Variants in SLC25A13 observed in about 807,000 individuals in gnomAD.
The protein encoded by SLC25A13 is solute carrier family 25 member 13.
SLC25A13 carries 70 observed loss-of-function variants against 85.5 expected under a neutral mutation model. The observed-to-expected ratio is 0.82, with a 90% CI of 0.68 to 1.00. SLC25A13 has a LOEUF of 1.00. Among genes scored for constraint, SLC25A13 ranks in the 50% least tolerant of loss-of-function variants. The pLI, the probability that SLC25A13 is intolerant of heterozygous loss-of-function variation, is 0.00. For synonymous variants in SLC25A13, 259 were observed against 288.7 expected (o/e 0.90, Z 1.04); for missense variants, 765 against 819.8 (o/e 0.93, Z 0.82).
intron 13 of SLC25A13, among the ~76,000 whole-genome samples, chr7:96,166,050 T>A (rs897826879): frequency 1.6e-4 from 24 of 152,230 alleles, no homozygotes; most frequent in African/African-American, 5.5e-4. Context: ...TACTTATTTA[T>A]AGGGGAGTGT....
chr7:96,183,352 G>A (rs1348173159), intron 11 of SLC25A13, among the ~76,000 whole-genome samples: 1 of 152,066 alleles, frequency 6.6e-6, no homozygotes, highest in African/African-American at 2.4e-5. Flanking sequence ...TGGCAGAAGA[G>A]GCCCAGAGGC....
chr7:96,206,805 C>T (rs1795479758), intron 5 of SLC25A13, among the ~76,000 whole-genome samples: 2 of 152,138 alleles, frequency 1.3e-5, no homozygotes, highest in Admixed American at 1.3e-4. Flanking sequence ...TCTGGCTTCC[C>T]CATATCTGGA....
In SLC25A13 at chr7:96,120,310, A is replaced by C. The variant is rs769090840; in HGVS notation, c.*881T>G. The C allele has an allele frequency of 2.4e-4, 107 of 454,006 alleles. 1 individual carries two copies. Among genetic ancestry groups the C allele is most frequent in the Non-Finnish European group, 4.5e-4 (102 of 226,782 alleles). The allele number at this position is 454,006 out of a possible 1,614,324, so 28.1% of individuals were successfully genotyped here. ...ACATGAATTAAATACTTATGTCAGAACATATTTGTCTTACATTATTCAAGA... is the reference window on the plus strand; with the variant it reads ...ACATGAATTAAATACTTATGTCAGACCATATTTGTCTTACATTATTCAAGA... On this transcript the variant is annotated 3_prime_UTR_variant, in exon 18 of 18. Coordinates refer to ENST00000265631, the MANE Select transcript of SLC25A13 (RefSeq NM_014251.3).
chr7:96,183,375 G>A (rs1345211852), intron 11 of SLC25A13, among the ~76,000 whole-genome samples: 1 of 152,148 alleles, frequency 6.6e-6, no homozygotes, highest in African/African-American at 2.4e-5. Context: ...AGGTTTCCAT[G>A]TCTGCCAGTT....
intron 15 of SLC25A13, 57 bp from the exon 16 acceptor site, chr7:96,122,054 A>C: frequency 6.2e-7 from 1 of 1,608,310 alleles, no homozygotes; most frequent in Middle Eastern, 1.7e-4. Context: ...ATATAAAAAT[A>C]ACTGTGCTTT....
At chr7:96,141,600 A>T (rs541052057) in intron 14 of SLC25A13, among the ~76,000 whole-genome samples, 1 of 152,352 alleles carries the variant, frequency 6.6e-6, no homozygotes, top group Non-Finnish European at 1.5e-5. Flanking sequence ...GTAGAAATGG[A>T]TGGGTGAGAA....
chr7:96,205,492 A>T lies in SLC25A13; in HGVS notation c.468+3346T>A, dbSNP rs144799350. ...TAACTGGGCATTAAAAAATAGCAGCAACAGATGTAACAGTATAAATAATGG... is the reference window on the plus strand; with the variant it reads ...TAACTGGGCATTAAAAAATAGCAGCTACAGATGTAACAGTATAAATAATGG... On this transcript the variant is annotated intron_variant, in intron 5 of 17. Transcript: ENST00000265631. Among the ~76,000 whole-genome samples the T allele has an allele frequency of 1.6e-3, 238 of 152,288 alleles. 3 individuals are homozygous for T. The highest frequency in any genetic ancestry group is 5.6e-3 in the African/African-American group (231 of 41,560).
chr7:96,217,908 A>AC (rs1795956961), intron 4 of SLC25A13, among the ~76,000 whole-genome samples: 1 of 137,342 alleles, frequency 7.3e-6, no homozygotes, highest in Admixed American at 7.4e-5. Flanking sequence ...TCTGAAAAAA[A>AC]AAAACAAAAA....
chr7:96,237,164 G>T (rs924685190), intron 3 of SLC25A13, among the ~76,000 whole-genome samples: 9 of 152,164 alleles, frequency 5.9e-5, no homozygotes, highest in Non-Finnish European at 8.8e-5. Context: ...GGTAGAGAAA[G>T]TCAAACTTGA....
chr7:96,187,753 C>A (rs1358504450), intron 9 of SLC25A13, among the ~76,000 whole-genome samples: 1 of 152,180 alleles, frequency 6.6e-6, no homozygotes, highest in Non-Finnish European at 1.5e-5. Context: ...CTCCTTCACT[C>A]CTCTGTCCAG....
intron 2 of SLC25A13, 150 bp from the exon 3 acceptor site, chr7:96,277,488 C>T: frequency 1.3e-6 from 1 of 747,458 alleles, no homozygotes. Flanking sequence ...TATCTCCCAA[C>T]AGTTCAAAGA....
chr7:96,267,185 G>A (rs1046291132), intron 3 of SLC25A13, among the ~76,000 whole-genome samples: 3 of 152,078 alleles, frequency 2.0e-5, no homozygotes, highest in African/African-American at 7.2e-5. Context: ...TTTAAGTATT[G>A]CCAATTGTAA....
At chr7:96,190,308 G>C (rs1236458315) in intron 7 of SLC25A13, among the ~76,000 whole-genome samples, 1 of 151,930 alleles carries the variant, frequency 6.6e-6, no homozygotes, top group African/African-American at 2.4e-5. Context: ...AGCCAGGATC[G>C]TCTCAATCTC....
chr7:96,316,458 C>T (rs1329573112), intron 1 of SLC25A13, among the ~76,000 whole-genome samples: 1 of 152,066 alleles, frequency 6.6e-6, no homozygotes, highest in African/African-American at 2.4e-5. Flanking sequence ...ACATCCATAC[C>T]CGATGGCATG....
intron 3 of SLC25A13, among the ~76,000 whole-genome samples, chr7:96,236,095 T>C (rs139525028): frequency 6.6e-6 from 1 of 152,320 alleles, no homozygotes; most frequent in Admixed American, 6.5e-5. Flanking sequence ...TTATAAAAAC[T>C]GTTACAAAGT....
intron 13 of SLC25A13, among the ~76,000 whole-genome samples, chr7:96,166,169 G>A (rs1793732997): frequency 6.6e-6 from 1 of 152,154 alleles, no homozygotes; most frequent in African/African-American, 2.4e-5. Flanking sequence ...TCAAAATGCA[G>A]TCAAAATGAA....
intron 13 of SLC25A13, among the ~76,000 whole-genome samples, chr7:96,155,260 G>C (rs1039944971): frequency 1.3e-5 from 2 of 152,192 alleles, no homozygotes; most frequent in East Asian, 3.9e-4. Context: ...GCTGGTATGA[G>C]ACTTCTCTCT....
intron 11 of SLC25A13, among the ~76,000 whole-genome samples, chr7:96,174,095 T>C (rs1311077370): frequency 6.6e-6 from 1 of 152,180 alleles, no homozygotes; most frequent in Non-Finnish European, 1.5e-5. Flanking sequence ...AAAAAGAGAA[T>C]GCACATAGCC....
At position 96,301,123 on chromosome 7, in the gene SLC25A13, G is replaced by A. The variant is rs550591429; in HGVS notation, c.16-4172C>T. 2.0e-5 allele frequency among the ~76,000 whole-genome samples: 3 copies of A among 152,292 alleles called. No homozygotes were observed. The East Asian group carries it at 5.8e-4, about 29-fold the overall frequency. On this transcript the variant is annotated intron_variant, in intron 1 of 17. Transcript: ENST00000265631. The stretch of plus-strand genomic sequence containing the variant: ...GGAAAAAGGAAGCCACAGAAATGTA[G>A]CCACCCTTTTAAAGTCAATTCAGAA...
Sources: allele counts gnomAD v4.1 joint callset (sites outside exome capture counted in the v4.1 genomes callset), GRCh38; gene constraint gnomAD v4.1.1; transcripts MANE v1.5; gene names NCBI Gene and HGNC (gene_info 2026-07-23, HGNC 2026-07-21).